TRIM39: variants seen among roughly 807,000 people sequenced by gnomAD.
TRIM39 encodes E3 ubiquitin-protein ligase TRIM39.
A neutral mutation model predicts 53.6 loss-of-function variants in TRIM39; 5 were observed. That is an observed-to-expected ratio of 0.09 (90% CI 0.05 to 0.20). The LOEUF is 0.20. Ranked by LOEUF, TRIM39 falls within the 10% of genes least tolerant of loss-of-function variation. The pLI, the probability that TRIM39 is intolerant of heterozygous loss-of-function variation, is 1.00. For synonymous variants in TRIM39, 196 were observed against 237.6 expected (o/e 0.82, Z 1.61); for missense variants, 310 against 621.0 (o/e 0.50, Z 5.32).
At position 30,338,603 on chromosome 6, in the gene TRIM39, G is replaced by A. The variant is rs1787137957; in HGVS notation, c.781-1305G>A. Among the ~76,000 whole-genome samples the A allele has an allele frequency of 6.7e-6, 1 of 149,622 alleles. No individual in the cohort carries two copies. Among genetic ancestry groups the A allele is most frequent in the South Asian group, 2.2e-4 (1 of 4,620 alleles). On this transcript the variant is annotated intron_variant, in intron 5 of 7. Coordinates refer to ENST00000396551, the Ensembl canonical transcript of TRIM39. The surrounding 1 kb of genome is among the most constrained non-coding windows in gnomAD (Gnocchi z 4.0). The stretch of plus-strand genomic sequence containing the variant: ...AGATCACTGATCACAGATCATACTA[G>A]ATATAATAATGAAAAAGTGTGAAAT...
At chr6:30,326,932 G>GCCTC (rs1562394749) in exon 1 of TRIM39, 9 of 152,306 alleles carry the variant, frequency 5.9e-5, no homozygotes, top group Non-Finnish European at 8.8e-5. Context: ...GAGGGGAGGA[G>GCCTC]GAAGGAGGGA....
At position 30,335,650 on chromosome 6, in the gene TRIM39, G is replaced by A; in HGVS notation, c.550-95G>A. ...TGTTAAACCATTTTCAATGAAACTG[G>A]AAGTCTGTGTTAATTCATACATATG... On this transcript the variant is annotated intron_variant, in intron 4 of 7. Transcript: ENST00000396551. This position sits in a 1 kb window ranked among gnomAD's most constrained non-coding sequence, Gnocchi z 4.7. The A allele has an allele frequency of 7.0e-7, 1 of 1,437,426 alleles. No individual in the cohort carries two copies. Among genetic ancestry groups the A allele is most frequent in the South Asian group, 1.4e-5 (1 of 71,476 alleles). The allele number at this position is 1,437,426 out of a possible 1,614,324, so 89.0% of individuals were successfully genotyped here. A position where few individuals can be genotyped will look rare whatever the true frequency, so the allele number is the denominator to read the frequency against.
chr6:30,341,005 C>T (rs1215194759), intron 7 of TRIM39, among the ~76,000 whole-genome samples: 3 of 151,946 alleles, frequency 2.0e-5, no homozygotes, highest in Non-Finnish European at 2.9e-5. Context: ...GTCAGGAGTT[C>T]GACATCAGCC....
rs368377696 is a variant in TRIM39 at position 30,342,112 on chromosome 6, T to C, written c.1320T>C (p.Ser440=). 309 of 1,613,124 alleles carry C rather than the reference T, an allele frequency of 1.9e-4. 18 individuals are homozygous for C. Among genetic ancestry groups the C allele is most frequent in the East Asian group, 1.3e-3 (58 of 44,884 alleles). The change falls in exon 8 of 8, where the codon TCT becomes TCC. Residue 440 remains serine, a synonymous_variant. Transcript: ENST00000396551. The surrounding 1 kb of genome is among the most constrained non-coding windows in gnomAD (Gnocchi z 4.7). ...TAGACTATGAGGCCGGCACACTGTC[T>C]TTCTACAATGTCACAGACCGCTCTC...
At position 30,338,416 on chromosome 6, in the gene TRIM39, G is replaced by A. The variant is rs1309182296; in HGVS notation, c.781-1492G>A. On this transcript the variant is annotated intron_variant, in intron 5 of 7. Coordinates refer to ENST00000396551, the Ensembl canonical transcript of TRIM39. The surrounding 1 kb of genome is among the most constrained non-coding windows in gnomAD (Gnocchi z 4.0). Reference sequence around the variant, plus strand: ...TATTAATTGATATAATTTTAATATCGTTGTGTCTCGGAATAGGGAGGCCAG... The same window carrying A: ...TATTAATTGATATAATTTTAATATCATTGTGTCTCGGAATAGGGAGGCCAG... Among the ~76,000 whole-genome samples, 3 of 151,780 alleles carry A rather than the reference G, an allele frequency of 2.0e-5. No individual in the cohort carries two copies. The highest frequency in any genetic ancestry group is 2.9e-5 in the Non-Finnish European group (2 of 67,988).
rs188045185 is a variant in TRIM39 at position 30,338,741 on chromosome 6, A to G, written c.781-1167A>G. Among the ~76,000 whole-genome samples the G allele has an allele frequency of 6.6e-5, 10 of 152,144 alleles. No individual in the cohort carries two copies. Among genetic ancestry groups the G allele is most frequent in the Admixed American group, 6.5e-4 (10 of 15,272 alleles). On this transcript the variant is annotated intron_variant, in intron 5 of 7. Coordinates refer to ENST00000396551, the Ensembl canonical transcript of TRIM39. This position sits in a 1 kb window ranked among gnomAD's most constrained non-coding sequence, Gnocchi z 4.0. ...AGGTTGCCACAAACCATCTATCTGAAAAACATACAATGTCAACAAAACACA... is the reference window on the plus strand; with the variant it reads ...AGGTTGCCACAAACCATCTATCTGAGAAACATACAATGTCAACAAAACACA...
chr6:30,333,019 A>C (rs1047378539), intron 4 of TRIM39, among the ~76,000 whole-genome samples: 1 of 152,238 alleles, frequency 6.6e-6, no homozygotes, highest in African/African-American at 2.4e-5. Context: ...TGTGGTATGT[A>C]ATATTTGGGC....
chr6:30,335,699 A>C lies in TRIM39; in HGVS notation c.550-46A>C. On this transcript the variant is annotated intron_variant, in intron 4 of 7. Coordinates refer to ENST00000396551, the Ensembl canonical transcript of TRIM39. This position sits in a 1 kb window ranked among gnomAD's most constrained non-coding sequence, Gnocchi z 4.7. ...TGGTGGGTGAGAGAAAGGCTTCCTT[A>C]TACCACACTGACCCTGCTGATACAA... 1.9e-6 allele frequency: 3 copies of C among 1,593,076 alleles called. No homozygotes were observed. The highest frequency in any genetic ancestry group is 2.6e-6 in the Non-Finnish European group (3 of 1,170,180).
At position 30,338,774 on chromosome 6, in the gene TRIM39, G is replaced by T. The variant is rs1012660947; in HGVS notation, c.781-1134G>T. ...CAATGTCAACAAAACACAATAAAGC[G>T]AGGTGCAATAAAATGAGGTATGCCT... On this transcript the variant is annotated intron_variant, in intron 5 of 7. Coordinates refer to ENST00000396551, the Ensembl canonical transcript of TRIM39. The surrounding 1 kb of genome is among the most constrained non-coding windows in gnomAD (Gnocchi z 4.0). Among the ~76,000 whole-genome samples the T allele has an allele frequency of 6.6e-6, 1 of 151,890 alleles. No individual in the cohort carries two copies. Among genetic ancestry groups the T allele is most frequent in the Non-Finnish European group, 1.5e-5 (1 of 68,002 alleles).
exon 3 of TRIM39, chr6:30,329,373 C>T: frequency 6.2e-7 from 1 of 1,613,056 alleles, no homozygotes; most frequent in Non-Finnish European, 8.5e-7. Flanking sequence ...ACAGCTGCGG[C>T]TTTGGAGAAC....
At chr6:30,330,657 T>C in intron 3 of TRIM39, 124 bp from the exon 4 acceptor site, 1 of 1,019,384 alleles carries the variant, frequency 9.8e-7, no homozygotes, top group Non-Finnish European at 1.4e-6. Flanking sequence ...GGAAGTCAGA[T>C]CAAGAGGCAG....
At chr6:30,336,263 C>A (rs778734300) in intron 5 of TRIM39, 20 of 658,988 alleles carry the variant, frequency 3.0e-5, no homozygotes, top group South Asian at 4.6e-5. Context: ...TAGTGAAAAA[C>A]TATGCATTAA....
At chr6:30,331,422 CAG>C (rs764050053) in intron 4 of TRIM39, among the ~76,000 whole-genome samples, 58 of 151,652 alleles carry the variant, frequency 3.8e-4, no homozygotes, top group Non-Finnish European at 7.1e-4. Flanking sequence ...GAAGAACAGA[CAG>C]AATATCTTAC....
intron 5 of TRIM39, among the ~76,000 whole-genome samples, chr6:30,337,912 C>G (rs1787060357): frequency 6.6e-6 from 1 of 152,238 alleles, no homozygotes. Flanking sequence ...TTCTGGATAA[C>G]TTGCTGCAAC....
chr6:30,340,290 C>G (rs773974391), intron 6 of TRIM39: 1 of 1,612,926 alleles, frequency 6.2e-7, no homozygotes, highest in Admixed American at 1.7e-5. Flanking sequence ...CTAGAAAGTT[C>G]GGAGGCTCAC....
At position 30,341,823 on chromosome 6, in the gene TRIM39, G is replaced by A. The variant is rs766707680; in HGVS notation, c.1031G>A (p.Arg344Lys). The A allele has an allele frequency of 2.7e-5, 44 of 1,612,852 alleles. No homozygotes were observed. The highest frequency in any genetic ancestry group is 3.7e-5 in the Non-Finnish European group (44 of 1,180,024). ...CTCCGGGATCTCCCTGACACACCAA[G>A]GCGTTTCACCTTCTACCCTTGCGTC... The change falls in exon 8 of 8, where the codon AGG becomes AAG. Residue 344 changes from arginine (R) to lysine (K), a missense_variant. By Grantham distance (26) the Arg-to-Lys change is conservative. This residue lies in a region of TRIM39 where 75 missense variants were observed against 244.8 expected (regional missense o/e 0.31). Transcript: ENST00000396551.
rs1786740117 is a variant in TRIM39 at position 30,335,440 on chromosome 6, G to C, written c.550-305G>C. On this transcript the variant is annotated intron_variant, in intron 4 of 7. Transcript: ENST00000396551. This position sits in a 1 kb window ranked among gnomAD's most constrained non-coding sequence, Gnocchi z 4.7. ...TTGCTCAAGCCATCATCCCACCTCA[G>C]CCTCTCCAGTAGCTGGGACTACAGG... Among the ~76,000 whole-genome samples the C allele has an allele frequency of 6.6e-6, 1 of 152,032 alleles. No individual in the cohort carries two copies. Among genetic ancestry groups the C allele is most frequent in the Non-Finnish European group, 1.5e-5 (1 of 68,008 alleles).
rs1464759376 is a variant in TRIM39 at position 30,338,846 on chromosome 6, A to C, written c.781-1062A>C. ...TGCTTTTGATATGTATATATTAATA[A>C]TACCTCTAAAGTGTTTGAAATATTT... On this transcript the variant is annotated intron_variant, in intron 5 of 7. Transcript: ENST00000396551. The surrounding 1 kb of genome is among the most constrained non-coding windows in gnomAD (Gnocchi z 4.0). Among the ~76,000 whole-genome samples the C allele has an allele frequency of 6.6e-6, 1 of 152,194 alleles. No homozygotes were observed. The highest frequency in any genetic ancestry group is 6.5e-5 in the Admixed American group (1 of 15,286).
chr6:30,341,236 A>G (rs1413574447), intron 7 of TRIM39, among the ~76,000 whole-genome samples: 3 of 151,936 alleles, frequency 2.0e-5, no homozygotes, highest in Non-Finnish European at 4.4e-5. Context: ...AGAAACTGAA[A>G]GGGAGTGTCA....
Sources: allele counts gnomAD v4.1 joint callset (sites outside exome capture counted in the v4.1 genomes callset), GRCh38; gene constraint gnomAD v4.1.1; regional missense constraint gnomAD v4.1.1; non-coding constraint Gnocchi (gnomAD v3.1); transcripts MANE v1.5; gene names NCBI Gene and HGNC (gene_info 2026-07-23, HGNC 2026-07-21).